Variants in MCM2 observed in about 807,000 individuals in gnomAD.
MCM2 encodes the protein minichromosome maintenance complex component 2.
A neutral mutation model predicts 86.4 loss-of-function variants in MCM2; 49 were observed. The observed-to-expected ratio is 0.57, with a 90% CI of 0.45 to 0.72. MCM2 has a LOEUF of 0.72. MCM2 is among the 30% of genes least tolerant of loss of function. The pLI is 0.00. For missense variants in MCM2, 1,038 were observed against 1,259.9 expected (o/e 0.82, Z 2.67); for synonymous variants, 475 against 484.6 (o/e 0.98, Z 0.26).
chr3:127,606,582 G>T lies in MCM2; in HGVS notation c.894-28G>T. ...CAGCCTGGCCTCACCCTGGCTCACG[G>T]CTTCTGATGCACCCTCTGCCTCCGC... is the stretch of plus-strand genomic sequence containing the variant. On this transcript the variant is annotated intron_variant, in intron 5 of 15. Coordinates refer to ENST00000265056, the MANE Select transcript of MCM2 (RefSeq NM_004526.4). The surrounding 1 kb of genome is among the most constrained non-coding windows in gnomAD (Gnocchi z 4.2). 1 of 1,604,522 alleles carries T rather than the reference G, an allele frequency of 6.2e-7. No homozygotes were observed. Among genetic ancestry groups the T allele is most frequent in the African/African-American group, 1.3e-5 (1 of 74,894 alleles).
chr3:127,617,544 T>G lies in MCM2; in HGVS notation c.1900+139T>G. On this transcript the variant is annotated intron_variant, in intron 11 of 15. Transcript: ENST00000265056. The surrounding 1 kb of genome is among the most constrained non-coding windows in gnomAD (Gnocchi z 4.1). ...GCAGAGGGTTCCCCTCTTCTGCATA[T>G]CCTGCCAGAGTGGGGAACAGTGAAA... 1 of 1,111,654 alleles carries G rather than the reference T, an allele frequency of 9.0e-7. No individual in the cohort carries two copies. The highest frequency in any genetic ancestry group is 1.2e-6 in the Non-Finnish European group (1 of 802,384). The allele number at this position is 1,111,654 out of a possible 1,614,324, so 68.9% of individuals were successfully genotyped here.
Position 127,608,966 on chromosome 3 carries a change from C to G in MCM2, c.1371C>G (p.Thr457=), listed in dbSNP as rs142512970. 122 of 1,614,074 alleles carry G rather than the reference C, an allele frequency of 7.6e-5. No homozygotes were observed. In the African/African-American group the frequency reaches 1.4e-3, roughly 19 times the overall value. The change falls in exon 8 of 16, where the codon ACC becomes ACG. Residue 457 remains threonine (T), a synonymous_variant. Coordinates refer to ENST00000265056, the MANE Select transcript of MCM2 (RefSeq NM_004526.4). ...ACAAGGTTGCTGTAGGGGAACTGAC[C>G]GATGAAGATGTGAAGATGATCACTA... ...KDNKVAVGEL[T]DEDVKMITSL... is the part of the protein sequence containing the mutation.
intron 2 of MCM2, among the ~76,000 whole-genome samples, chr3:127,603,907 G>A (rs1576412217): frequency 2.0e-5 from 3 of 152,038 alleles, no homozygotes; most frequent in South Asian, 2.1e-4. Context: ...TGATTCATCC[G>A]CCTTGGCCTC....
chr3:127,602,799 A>G (rs1357790961), intron 2 of MCM2, among the ~76,000 whole-genome samples: 1 of 152,206 alleles, frequency 6.6e-6, no homozygotes, highest in Non-Finnish European at 1.5e-5. Flanking sequence ...GGAAGCCAGG[A>G]CATCAGGTTG....
rs1215030053 is a variant in MCM2, at chr3:127,620,689, T to G, written c.2266-9T>G. The stretch of plus-strand genomic sequence containing the variant: ...CCCGTGAAAGACCTGACACTGTGCT[T>G]CTCTCCAGGCGACAGGCAGCATCCC... On this transcript the variant is annotated splice_polypyrimidine_tract_variant and intron_variant, in intron 13 of 15. Transcript: ENST00000265056. 31 of 1,579,908 alleles carry G rather than the reference T, an allele frequency of 2.0e-5. No individual in the cohort carries two copies. Among genetic ancestry groups the G allele is most frequent in the Non-Finnish European group, 2.5e-5 (29 of 1,158,506 alleles).
intron 9 of MCM2, 96 bp downstream of exon 9, chr3:127,616,051 C>A: frequency 2.0e-6 from 2 of 1,004,828 alleles, no homozygotes; most frequent in Non-Finnish European, 3.1e-6. Context: ...AGCCTGGGTG[C>A]TGGGGAGAAA....
At position 127,615,665 on chromosome 3, in the gene MCM2, A is replaced by C. The variant is rs992261049; in HGVS notation, c.1429-197A>C. Among the ~76,000 whole-genome samples, 38 of 152,048 alleles carry C rather than the reference A, an allele frequency of 2.5e-4. 1 individual carries two copies. Among genetic ancestry groups the C allele is most frequent in the African/African-American group, 8.9e-4 (37 of 41,398 alleles). ...TTCTTCTAAACTCCAAAGTTCTGTG[A>C]CTCTTGGGAAGAGCCAACTAATGAA... On this transcript the variant is annotated intron_variant, in intron 8 of 15. Transcript: ENST00000265056.
intron 8 of MCM2, among the ~76,000 whole-genome samples, chr3:127,612,436 T>C (rs928018169): frequency 1.3e-5 from 2 of 152,210 alleles, no homozygotes; most frequent in South Asian, 2.1e-4. Context: ...TAAACACTCA[T>C]AGAGTTGTTA....
At chr3:127,605,768 G>A (rs2074342574) in intron 4 of MCM2, among the ~76,000 whole-genome samples, 1 of 152,166 alleles carries the variant, frequency 6.6e-6, no homozygotes, top group Non-Finnish European at 1.5e-5. Flanking sequence ...GGGACATGTA[G>A]ATCTTGATTC....
Position 127,616,933 on chromosome 3 carries a change from T to A in MCM2, c.1588T>A (p.Ser530Thr). Residue 530 changes from serine (S) to threonine (T), a missense_variant, in exon 10 of 16, where the codon TCG becomes ACG. This residue lies in a region of MCM2 where 399 missense variants were observed against 507.2 expected (regional missense o/e 0.79). Transcript: ENST00000265056. ...GTGCGGAGACCCTGGCACAGCGAAG[T>A]CGCAGTTTCTCAAGTATATTGAGAA... ...LLCGDPGTAK[S>T]QFLKYIEKVS... The A allele has an allele frequency of 6.2e-7, 1 of 1,614,114 alleles. No homozygotes were observed. Among genetic ancestry groups the A allele is most frequent in the Non-Finnish European group, 8.5e-7 (1 of 1,180,030 alleles).
In MCM2 at chr3:127,606,812, G is replaced by A; in HGVS notation, c.1096G>A (p.Glu366Lys). 6.2e-7 allele frequency: 1 copy of A among 1,614,200 alleles called. No individual in the cohort carries two copies. Among genetic ancestry groups the A allele is most frequent in the South Asian group, 1.1e-5 (1 of 91,086 alleles). Reference protein sequence around the residue: ...QSAGPFEVNMEETIYQNYQRI... With the variant: ...QSAGPFEVNMKETIYQNYQRI... ...GGCCGGCCCCTTTGAGGTCAACATGGAGGAGGTGAGAGAGGACACAAGGTC... is the reference window on the plus strand; with the variant it reads ...GGCCGGCCCCTTTGAGGTCAACATGAAGGAGGTGAGAGAGGACACAAGGTC... The change falls in exon 6 of 16, where the codon GAG (glutamate) becomes AAG (lysine). Residue 366 changes from glutamate to lysine, a missense_variant. Physicochemically the swap from Glu to Lys is moderately conservative, Grantham distance 56. Around this residue, in one of 4 missense-constraint regions of MCM2, gnomAD observed 399 missense variants for 507.2 expected, o/e 0.79. Coordinates refer to ENST00000265056, the MANE Select transcript of MCM2 (RefSeq NM_004526.4). The surrounding 1 kb of genome is among the most constrained non-coding windows in gnomAD (Gnocchi z 4.2).
chr3:127,617,140 G>T lies in MCM2; in HGVS notation c.1773+22G>T, dbSNP rs2074439307. ...CAAGGTGGGTCCCTGGGTCACGGAG[G>T]CTGGTGGAACTCAGGGGGTGTGTGT... is the stretch of plus-strand genomic sequence containing the variant. On this transcript the variant is annotated intron_variant, in intron 10 of 15. Coordinates refer to ENST00000265056, the MANE Select transcript of MCM2 (RefSeq NM_004526.4). This position sits in a 1 kb window ranked among gnomAD's most constrained non-coding sequence, Gnocchi z 4.1. 6.2e-7 allele frequency: 1 copy of T among 1,609,924 alleles called. No homozygotes were observed. Among genetic ancestry groups the T allele is most frequent in the Admixed American group, 1.7e-5 (1 of 59,868 alleles).
At chr3:127,619,481 G>A (rs781575688) in intron 13 of MCM2, among the ~76,000 whole-genome samples, 1 of 150,478 alleles carries the variant, frequency 6.6e-6, no homozygotes, top group Non-Finnish European at 1.5e-5. Context: ...GGAGGATCAC[G>A]ATGTCAGGAG....
At chr3:127,600,908 A>G (rs1004921617) in intron 2 of MCM2, among the ~76,000 whole-genome samples, 2 of 151,218 alleles carry the variant, frequency 1.3e-5, no homozygotes, top group African/African-American at 4.9e-5. Context: ...ATTGGGCTAT[A>G]GTTTTTTAGA....
Position 127,617,202 on chromosome 3 carries a change from G to A in MCM2, c.1774-77G>A. 6.2e-7 allele frequency: 1 copy of A among 1,605,580 alleles called. No individual in the cohort carries two copies. On this transcript the variant is annotated intron_variant, in intron 10 of 15. Transcript: ENST00000265056. The surrounding 1 kb of genome is among the most constrained non-coding windows in gnomAD (Gnocchi z 4.1). ...TTAGCGACGGGAATGGTGTTAATGG[G>A]GTCCATTGGGACCTCATCGGAGACT...
chr3:127,609,837 CTTTTTTTTTTTTTTTTTT>C (rs10716532), intron 8 of MCM2, among the ~76,000 whole-genome samples: 4 of 69,110 alleles, frequency 5.8e-5, no homozygotes, highest in African/African-American at 1.6e-4. Context: ...AGTCAACTTC[CTTTTTTTTTTTTTTTTTT>C]TTTTTTTTTG....
intron 1 of MCM2, chr3:127,598,781 C>T (rs1050475260): frequency 6.3e-6 from 3 of 479,582 alleles, no homozygotes; most frequent in Non-Finnish European, 1.1e-5. Flanking sequence ...CATTTCACTA[C>T]ACTCCTTTAA....
At chr3:127,607,849 A>G (rs1298142744) in intron 6 of MCM2, among the ~76,000 whole-genome samples, 1 of 152,236 alleles carries the variant, frequency 6.6e-6, no homozygotes, top group South Asian at 2.1e-4. Context: ...CAGCTCAGGC[A>G]TCTTGATCTA....
rs2074381886 is a variant in MCM2 at position 127,609,989 on chromosome 3, C to T, written c.1428+966C>T. Among the ~76,000 whole-genome samples the T allele has an allele frequency of 2.0e-5, 3 of 151,828 alleles. No individual in the cohort carries two copies. The South Asian group carries it at 6.2e-4, about 32-fold the overall frequency. ...CCTCCCGAGTAGCTGGGATTACAGG[C>T]ACACATCACCGCACCTGACTAATTT... On this transcript the variant is annotated intron_variant, in intron 8 of 15. Transcript: ENST00000265056.
Sources: allele counts gnomAD v4.1 joint callset (sites outside exome capture counted in the v4.1 genomes callset), GRCh38; gene constraint gnomAD v4.1.1; regional missense constraint gnomAD v4.1.1; non-coding constraint Gnocchi (gnomAD v3.1); transcripts MANE v1.5; gene names NCBI Gene and HGNC (gene_info 2026-07-23, HGNC 2026-07-21).